AKT3: variants seen among roughly 807,000 people sequenced by gnomAD.
AKT3 encodes the protein RAC-gamma serine/threonine-protein kinase.
In AKT3, 15 loss-of-function variants were observed where a neutral mutation model predicts 65.3. The observed-to-expected ratio is 0.23, with a 90% CI of 0.15 to 0.35. AKT3 has a LOEUF of 0.35. Among genes scored for constraint, AKT3 ranks in the 10% least tolerant of loss-of-function variants. The probability of loss-of-function intolerance (pLI) is 1.00; values close to 1 mark genes in which losing one functional copy is unlikely to be tolerated. For synonymous variants in AKT3, 206 were observed against 183.8 expected (o/e 1.12, Z -0.98); for missense variants, 243 against 576.5 (o/e 0.42, Z 5.92).
intron 8 of AKT3, among the ~76,000 whole-genome samples, chr1:243,576,166 C>T (rs898111332): frequency 1.3e-5 from 2 of 152,004 alleles, no homozygotes; most frequent in Non-Finnish European, 2.9e-5. Context: ...ACAGAAAAGG[C>T]CTTCAAAAAA....
At chr1:243,696,990 A>G (rs548984203) in intron 2 of AKT3, among the ~76,000 whole-genome samples, 1 of 152,002 alleles carries the variant, frequency 6.6e-6, no homozygotes, top group African/African-American at 2.4e-5. Context: ...TCACCCCAAC[A>G]TGTATTTCAG....
chr1:243,721,615 A>T (rs1049250856), intron 2 of AKT3, among the ~76,000 whole-genome samples: 8 of 152,272 alleles, frequency 5.3e-5, no homozygotes, highest in Middle Eastern at 6.8e-3. Context: ...CCTTTCCACT[A>T]CTATACTACC....
chr1:243,674,000 A>G (rs183878865), intron 3 of AKT3, among the ~76,000 whole-genome samples: 1 of 152,328 alleles, frequency 6.6e-6, no homozygotes, highest in African/African-American at 2.4e-5. Context: ...AAGAATGTAC[A>G]TTAGATTGAA....
intron 3 of AKT3, among the ~76,000 whole-genome samples, chr1:243,665,935 T>C (rs1364416384): frequency 3.3e-5 from 5 of 152,208 alleles, no homozygotes; most frequent in Admixed American, 2.0e-4. Flanking sequence ...CCTATCTCCA[T>C]CATTAGCAAC....
intron 2 of AKT3, among the ~76,000 whole-genome samples, chr1:243,759,988 C>T (rs960939236): frequency 2.0e-5 from 3 of 152,146 alleles, no homozygotes; most frequent in African/African-American, 7.2e-5. Flanking sequence ...AAATCTTGCA[C>T]AGATCTGCAC....
intron 9 of AKT3, among the ~76,000 whole-genome samples, chr1:243,565,253 A>T (rs1674072261): frequency 6.6e-6 from 1 of 152,184 alleles, no homozygotes; most frequent in African/African-American, 2.4e-5. Flanking sequence ...CTGTTTTGAG[A>T]CAGAGTCTCA....
chr1:243,517,360 C>A (rs1047187907), intron 12 of AKT3, among the ~76,000 whole-genome samples: 8 of 152,142 alleles, frequency 5.3e-5, no homozygotes, highest in African/African-American at 1.9e-4. Context: ...TGCTATATAA[C>A]CTTACCAATT....
At chr1:243,797,897 T>C (rs957031287) in intron 2 of AKT3, among the ~76,000 whole-genome samples, 4 of 148,490 alleles carry the variant, frequency 2.7e-5, no homozygotes, top group African/African-American at 9.8e-5. Flanking sequence ...CTTTTTTTTT[T>C]TTTGAGATGG....
intron 2 of AKT3, among the ~76,000 whole-genome samples, chr1:243,828,481 T>C (rs1487564446): frequency 6.6e-6 from 1 of 152,152 alleles, no homozygotes; most frequent in Non-Finnish European, 1.5e-5. Flanking sequence ...ATGACTCCAC[T>C]TGTACCTGGA....
chr1:243,792,436 C>T (rs1691689859), intron 2 of AKT3, among the ~76,000 whole-genome samples: 2 of 152,120 alleles, frequency 1.3e-5, no homozygotes. Flanking sequence ...TGGAATTATA[C>T]ATCTATATAT....
intron 6 of AKT3, 72 bp from the exon 7 acceptor site, chr1:243,615,233 A>C: frequency 8.2e-7 from 1 of 1,226,990 alleles, no homozygotes; most frequent in Admixed American, 2.0e-5. Context: ...CTATTTCTCT[A>C]AAATTGGAAG....
chr1:243,658,704 AGG>A (rs1474638286), intron 4 of AKT3, among the ~76,000 whole-genome samples: 1 of 152,128 alleles, frequency 6.6e-6, no homozygotes, highest in East Asian at 1.9e-4. Flanking sequence ...AATAGCCAAG[AGG>A]TGGAAACAAT....
intron 8 of AKT3, among the ~76,000 whole-genome samples, chr1:243,586,164 A>T (rs943584272): frequency 1.3e-5 from 2 of 152,216 alleles, no homozygotes; most frequent in Non-Finnish European, 2.9e-5. Flanking sequence ...GTAAATCAAA[A>T]CCACAATGAG....
chr1:243,846,499 A>G (rs1258306613), intron 1 of AKT3, among the ~76,000 whole-genome samples: 1 of 152,166 alleles, frequency 6.6e-6, no homozygotes, highest in Non-Finnish European at 1.5e-5. Context: ...CAGAACTAAA[A>G]AACACATCAA....
intron 2 of AKT3, among the ~76,000 whole-genome samples, chr1:243,731,326 A>G (rs1053428896): frequency 5.9e-5 from 9 of 152,218 alleles, no homozygotes; most frequent in African/African-American, 2.2e-4. Flanking sequence ...AAGGCAATAG[A>G]GAACAAAGAG....
chr1:243,501,598 A>ATG lies in AKT3; in HGVS notation c.*3649_*3650dup, dbSNP rs372382366. ...TTCACTGAAGTAAAAATGATCCCCT[A>ATG]TGTGTGTGTGTGTGAGCTACAAGGA... On this transcript the variant is annotated 3_prime_UTR_variant, in exon 14 of 14. Transcript: ENST00000673466. The ATG allele has an allele frequency of 5.2e-5, 12 of 229,656 alleles. No individual in the cohort carries two copies. The highest frequency in any genetic ancestry group is 3.7e-4 in the South Asian group (2 of 5,450). The allele number at this position is 229,656 out of a possible 1,614,324, so 14.2% of individuals were successfully genotyped here.
chr1:243,488,622 C>T (rs900915851), intron 13 of AKT3, among the ~76,000 whole-genome samples: 25 of 152,152 alleles, frequency 1.6e-4, no homozygotes, highest in Admixed American at 1.6e-3. Flanking sequence ...TTTCCACGGC[C>T]CTCACCCACT....
chr1:243,791,589 G>C (rs971252711), intron 2 of AKT3, among the ~76,000 whole-genome samples: 7 of 152,180 alleles, frequency 4.6e-5, no homozygotes, highest in Non-Finnish European at 1.0e-4. Context: ...CACAGTATGA[G>C]TGCATATACT....
At chr1:243,540,326 TA>T (rs1280610098) in intron 12 of AKT3, among the ~76,000 whole-genome samples, 1 of 151,914 alleles carries the variant, frequency 6.6e-6, no homozygotes, top group East Asian at 1.9e-4. Context: ...TAACAGAACA[TA>T]AAAGAGAAAA....
Sources: allele counts gnomAD v4.1 joint callset (sites outside exome capture counted in the v4.1 genomes callset), GRCh38; gene constraint gnomAD v4.1.1; transcripts MANE v1.5; gene names NCBI Gene and HGNC (gene_info 2026-07-23, HGNC 2026-07-21).